Variants in DNAH11 observed in about 807,000 individuals in gnomAD.
DNAH11 encodes dynein axonemal heavy chain 11, also known as axonemal beta dynein heavy chain 11.
DNAH11 carries 442 observed loss-of-function variants against 526.0 expected under a neutral mutation model. That is an observed-to-expected ratio of 0.84 (90% CI 0.78 to 0.91). The LOEUF is 0.91. Ranked by LOEUF, DNAH11 falls within the 40% of genes least tolerant of loss-of-function variation. The pLI, the probability that DNAH11 is intolerant of heterozygous loss-of-function variation, is 0.00. For synonymous variants in DNAH11, 2,461 were observed against 1,935.9 expected, an observed-to-expected ratio of 1.27 and a Z score of -7.12; for missense variants, 6,989 against 5,448.7, an observed-to-expected ratio of 1.28 and a Z score of -8.90.
intron 76 of DNAH11, among the ~76,000 whole-genome samples, chr7:21,886,387 T>C (rs1784125742): frequency 6.6e-6 from 1 of 152,240 alleles, no homozygotes; most frequent in African/African-American, 2.4e-5. Flanking sequence ...CTACTTTTAA[T>C]AATGTGGAAC....
chr7:21,691,825 AG>A (rs1268233204), intron 35 of DNAH11, among the ~76,000 whole-genome samples: 1 of 152,152 alleles, frequency 6.6e-6, no homozygotes, highest in Non-Finnish European at 1.5e-5. Context: ...TCTGTTATGT[AG>A]GGTTTGTCTT....
intron 61 of DNAH11, among the ~76,000 whole-genome samples, chr7:21,800,471 A>C (rs1160773789): frequency 6.6e-6 from 1 of 152,044 alleles, no homozygotes; most frequent in African/African-American, 2.4e-5. Context: ...ATCTCCACTA[A>C]ATCTACAAAA....
chr7:21,782,153 T>C (rs373194689), intron 57 of DNAH11, among the ~76,000 whole-genome samples: 198 of 152,334 alleles, frequency 1.3e-3, no homozygotes, highest in African/African-American at 4.6e-3. Context: ...ATTCTCTCCC[T>C]GTGATCACCA....
chr7:21,619,741 AG>A (rs1230033356), intron 24 of DNAH11, among the ~76,000 whole-genome samples: 1 of 152,182 alleles, frequency 6.6e-6, no homozygotes, highest in East Asian at 1.9e-4. Flanking sequence ...ATTCAGTAGA[AG>A]TTTGATGTTA....
intron 68 of DNAH11, among the ~76,000 whole-genome samples, chr7:21,858,519 G>T (rs1782939025): frequency 6.6e-6 from 1 of 152,144 alleles, no homozygotes; most frequent in South Asian, 2.1e-4. Context: ...CCCACAGTGG[G>T]CTATTACTCA....
At chr7:21,656,430 C>T (rs545337946) in intron 29 of DNAH11, among the ~76,000 whole-genome samples, 4 of 152,260 alleles carry the variant, frequency 2.6e-5, no homozygotes, top group South Asian at 2.1e-4. Flanking sequence ...ATAAATGGCT[C>T]CTCATAAATA....
intron 48 of DNAH11, among the ~76,000 whole-genome samples, chr7:21,740,328 C>T (rs891732657): frequency 2.6e-5 from 4 of 152,166 alleles, no homozygotes; most frequent in African/African-American, 9.7e-5. Flanking sequence ...CACCCATCTC[C>T]ATAACTCTTT....
chr7:21,807,989 C>T lies in DNAH11; in HGVS notation c.10272C>T (p.Phe3424=), dbSNP rs1199085526. The T allele has an allele frequency of 6.3e-7, 1 of 1,596,132 alleles. No homozygotes were observed. Among genetic ancestry groups the T allele is most frequent in the Non-Finnish European group, 8.6e-7 (1 of 1,168,490 alleles). Reference sequence around the variant, plus strand: ...CATTTGTGTCTTACGTCGGACCCTTCACAAGGCAGTATCGCCAGGAGCTGG... The same window carrying T: ...CATTTGTGTCTTACGTCGGACCCTTTACAAGGCAGTATCGCCAGGAGCTGG... The part of the protein sequence containing the change: ...TAAFVSYVGP[F]TRQYRQELVH... The change falls in exon 63 of 82, where the codon TTC becomes TTT. Residue 3424 remains phenylalanine (F), a synonymous_variant. Transcript: ENST00000409508.
intron 30 of DNAH11, among the ~76,000 whole-genome samples, chr7:21,662,088 G>C (rs1583572740): frequency 6.6e-6 from 1 of 152,048 alleles, no homozygotes; most frequent in Non-Finnish European, 1.5e-5. Context: ...CCAAAGTGCT[G>C]GGATTATAGA....
At chr7:21,776,033 C>G (rs559556728) in intron 56 of DNAH11, among the ~76,000 whole-genome samples, 1 of 152,212 alleles carries the variant, frequency 6.6e-6, no homozygotes, top group Non-Finnish European at 1.5e-5. Flanking sequence ...AGCATCTCAG[C>G]CACAGGAAAA....
At chr7:21,816,850 A>G (rs1789818641) in intron 64 of DNAH11, 148 bp downstream of exon 64, 1 of 680,046 alleles carries the variant, frequency 1.5e-6, no homozygotes, top group Non-Finnish European at 2.5e-6. Flanking sequence ...TTCATGTTTC[A>G]TATAAAGTAT....
At chr7:21,819,306 A>C (rs900917135) in intron 65 of DNAH11, among the ~76,000 whole-genome samples, 1 of 152,160 alleles carries the variant, frequency 6.6e-6, no homozygotes, top group East Asian at 1.9e-4. Context: ...ATAGGCCTAC[A>C]TCAGGGTGAC....
intron 55 of DNAH11, among the ~76,000 whole-genome samples, chr7:21,768,547 G>C (rs1295024684): frequency 1.3e-5 from 2 of 152,128 alleles, no homozygotes; most frequent in African/African-American, 4.8e-5. Flanking sequence ...GGGGCATGTT[G>C]ACCAACCGAT....
intron 54 of DNAH11, among the ~76,000 whole-genome samples, chr7:21,751,251 G>T (rs1413264333): frequency 6.6e-6 from 1 of 152,166 alleles, no homozygotes; most frequent in African/African-American, 2.4e-5. Flanking sequence ...TTGAACCCAG[G>T]AGGCAGAGGT....
At chr7:21,711,585 C>A in intron 41 of DNAH11, 127 bp from the exon 42 acceptor site, 1 of 1,323,538 alleles carries the variant, frequency 7.6e-7, no homozygotes, top group Non-Finnish European at 1.0e-6. Context: ...TTTATTCAGA[C>A]TGCACTTCTG....
intron 35 of DNAH11, among the ~76,000 whole-genome samples, chr7:21,696,161 T>C (rs1223673274): frequency 1.3e-5 from 2 of 152,198 alleles, no homozygotes; most frequent in Non-Finnish European, 2.9e-5. Flanking sequence ...CCACTTCACA[T>C]ATAATCTAAG....
intron 25 of DNAH11, among the ~76,000 whole-genome samples, chr7:21,634,369 G>A (rs1786759393): frequency 6.6e-6 from 1 of 152,200 alleles, no homozygotes; most frequent in Non-Finnish European, 1.5e-5. Flanking sequence ...GAGACAAAAA[G>A]GAGGCAGCAA....
chr7:21,851,593 T>C, intron 66 of DNAH11: 1 of 471,658 alleles, frequency 2.1e-6, no homozygotes, highest in Non-Finnish European at 4.4e-6. Flanking sequence ...AGAGCTGGTG[T>C]AGATTTTATC....
intron 57 of DNAH11, among the ~76,000 whole-genome samples, chr7:21,782,927 G>C (rs939731758): frequency 6.8e-6 from 1 of 146,912 alleles, no homozygotes; most frequent in African/African-American, 2.5e-5. Context: ...AAAAAAGAAA[G>C]AAAGAAAGAG....
Sources: allele counts gnomAD v4.1 joint callset (sites outside exome capture counted in the v4.1 genomes callset), GRCh38; gene constraint gnomAD v4.1.1; transcripts MANE v1.5; gene names NCBI Gene and HGNC (gene_info 2026-07-23, HGNC 2026-07-21).